The following DPP6 variants were observed in gnomAD, a reference collection of about 807,000 sequenced individuals.
DPP6 encodes the protein dipeptidyl peptidase like 6, also known as A-type potassium channel modulatory protein DPP6.
DPP6 carries 69 observed loss-of-function variants against 122.6 expected under a neutral mutation model. The observed-to-expected ratio is 0.56, with a 90% CI of 0.46 to 0.69. DPP6 has a LOEUF of 0.69. Ranked by LOEUF, DPP6 falls within the 30% of genes least tolerant of loss-of-function variation. The pLI, the probability that DPP6 is intolerant of heterozygous loss-of-function variation, is 0.00. For missense variants in DPP6, 928 were observed against 1,116.9 expected (o/e 0.83, Z 2.41); for synonymous variants, 418 against 433.1 (o/e 0.97, Z 0.43).
At chr7:154,030,801 G>A (rs1799186131) in intron 1 of DPP6, among the ~76,000 whole-genome samples, 1 of 152,114 alleles carries the variant, frequency 6.6e-6, no homozygotes. Context: ...CACTCACACA[G>A]CCTGATCTGC....
At chr7:154,694,102 A>G (rs1840081244) in intron 7 of DPP6, among the ~76,000 whole-genome samples, 1 of 152,194 alleles carries the variant, frequency 6.6e-6, no homozygotes. Flanking sequence ...GTCCTGGCTC[A>G]TAGACTGCCT....
chr7:154,387,923 T>G (rs2151158278), intron 1 of DPP6, among the ~76,000 whole-genome samples: 1 of 135,146 alleles, frequency 7.4e-6, no homozygotes, highest in Admixed American at 8.3e-5. Context: ...GTCAGCTCCA[T>G]GAGGTCAGGA....
intron 1 of DPP6, among the ~76,000 whole-genome samples, chr7:154,148,736 G>T (rs1796250569): frequency 6.6e-6 from 1 of 152,280 alleles, no homozygotes; most frequent in African/African-American, 2.4e-5. Context: ...TTTAGGCTAG[G>T]AATTTAAAAT....
chr7:153,959,645 G>T (rs927529968), intron 1 of DPP6, among the ~76,000 whole-genome samples: 49 of 152,370 alleles, frequency 3.2e-4, no homozygotes, highest in Middle Eastern at 3.4e-3. Flanking sequence ...CCATAGAATT[G>T]AATTGAAGAG....
chr7:154,489,757 T>C (rs1824113286), intron 3 of DPP6, among the ~76,000 whole-genome samples: 1 of 152,130 alleles, frequency 6.6e-6, no homozygotes, highest in Admixed American at 6.5e-5. Flanking sequence ...GTGATAGCTC[T>C]CAGATTCCAG....
chr7:154,563,129 G>A (rs1830532687), intron 4 of DPP6, among the ~76,000 whole-genome samples: 1 of 152,228 alleles, frequency 6.6e-6, no homozygotes, highest in South Asian at 2.1e-4. Context: ...GAAGGACATG[G>A]AAGGCCTCAC....
intron 16 of DPP6, among the ~76,000 whole-genome samples, chr7:154,835,459 T>A (rs1201465926): frequency 6.6e-6 from 1 of 152,198 alleles, no homozygotes; most frequent in Non-Finnish European, 1.5e-5. Context: ...AGGAAACTGA[T>A]CCAGTCCCCA....
intron 3 of DPP6, among the ~76,000 whole-genome samples, chr7:154,504,761 G>C (rs1586479175): frequency 6.7e-6 from 1 of 149,332 alleles, no homozygotes; most frequent in African/African-American, 2.4e-5. Context: ...TGGTTAAAAA[G>C]ACAAAACGGT....
At chr7:153,808,577 A>G in the DPP6 span, among the ~76,000 whole-genome samples, 1 of 152,168 alleles carries the variant, frequency 6.6e-6, no homozygotes, top group South Asian at 2.1e-4. Context: ...CCTTTGACCA[A>G]GATCACCCGT....
At chr7:154,749,541 AG>A (rs1843247774) in intron 8 of DPP6, among the ~76,000 whole-genome samples, 19 of 54,700 alleles carry the variant, frequency 3.5e-4, no homozygotes, top group African/African-American at 4.5e-4. Flanking sequence ...AGGACGGGAG[AG>A]AGAGGGATGG....
intron 1 of DPP6, among the ~76,000 whole-genome samples, chr7:154,000,927 G>C (rs1449519023): frequency 1.3e-5 from 2 of 152,232 alleles, no homozygotes; most frequent in African/African-American, 2.4e-5. Flanking sequence ...CCCGGGCCCA[G>C]ACCCAGAGAT....
At chr7:154,482,034 C>G (rs147845876) in intron 3 of DPP6, among the ~76,000 whole-genome samples, 1 of 152,200 alleles carries the variant, frequency 6.6e-6, no homozygotes, top group Non-Finnish European at 1.5e-5. Flanking sequence ...GATAAGGAAA[C>G]TTACAAGCAT....
intron 3 of DPP6, among the ~76,000 whole-genome samples, chr7:154,502,770 TC>T (rs1442022346): frequency 4.6e-5 from 7 of 152,218 alleles, no homozygotes; most frequent in Non-Finnish European, 1.0e-4. Flanking sequence ...GAGACTGAAC[TC>T]TATTTTGTAG....
chr7:153,934,239 G>A (rs1408863433), intron 1 of DPP6, among the ~76,000 whole-genome samples: 1 of 152,162 alleles, frequency 6.6e-6, no homozygotes, highest in African/African-American at 2.4e-5. Context: ...CAGGCAGCAG[G>A]CAGGTGAGCG....
At chr7:154,446,736 A>C (rs1468521732) in intron 2 of DPP6, among the ~76,000 whole-genome samples, 1 of 152,248 alleles carries the variant, frequency 6.6e-6, no homozygotes, top group Non-Finnish European at 1.5e-5. Context: ...GGTACTACTG[A>C]ATATTACATA....
At chr7:154,645,901 A>G (rs1415892401) in intron 6 of DPP6, among the ~76,000 whole-genome samples, 4 of 151,860 alleles carry the variant, frequency 2.6e-5, no homozygotes, top group Middle Eastern at 3.4e-3. Flanking sequence ...GGTGGTGGGC[A>G]CCTGTAGTCC....
At chr7:154,381,013 T>A (rs1462532556) in intron 1 of DPP6, among the ~76,000 whole-genome samples, 1 of 152,194 alleles carries the variant, frequency 6.6e-6, no homozygotes, top group African/African-American at 2.4e-5. Context: ...GACTGTCTCA[T>A]CTCAGTGTGC....
chr7:154,694,081 T>C (rs192080839), intron 7 of DPP6, among the ~76,000 whole-genome samples: 1 of 152,310 alleles, frequency 6.6e-6, no homozygotes, highest in East Asian at 1.9e-4. Context: ...CTGTGCCTGG[T>C]GAGGGCCTGT....
At chr7:154,379,020 T>TG (rs1813365174) in intron 1 of DPP6, among the ~76,000 whole-genome samples, 1 of 152,162 alleles carries the variant, frequency 6.6e-6, no homozygotes, top group South Asian at 2.1e-4. Context: ...GATATTTGGG[T>TG]GGGAACACAG....
Sources: gnomAD v4.1 joint callset for allele counts (sites outside exome capture counted in the v4.1 genomes callset) on GRCh38, gnomAD v4.1.1 for gene constraint, MANE v1.5 for transcripts, NCBI Gene and HGNC (gene_info 2026-07-23, HGNC 2026-07-21) for gene names.